Variants in MSI2 observed in about 807,000 individuals in gnomAD.
MSI2 encodes the protein musashi RNA binding protein 2.
A neutral mutation model predicts 45.6 loss-of-function variants in MSI2; 17 were observed. That is an observed-to-expected ratio of 0.37 (90% confidence interval 0.26 to 0.56). MSI2 has a LOEUF of 0.56. Among genes scored for constraint, MSI2 ranks in the 20% least tolerant of loss-of-function variants. The pLI is 0.77. For synonymous variants in MSI2, 156 were observed against 158.2 expected, an observed-to-expected ratio of 0.99 and a Z score of 0.11; for missense variants, 293 against 444.2, an observed-to-expected ratio of 0.66 and a Z score of 3.06.
chr17:57,514,829 A>G (rs910353521), intron 6 of MSI2, among the ~76,000 whole-genome samples: 4 of 151,674 alleles, frequency 2.6e-5, no homozygotes, highest in Admixed American at 6.6e-5. Flanking sequence ...AAAATTTCCA[A>G]CCTCTCAGGG....
intron 8 of MSI2, among the ~76,000 whole-genome samples, chr17:57,602,498 A>G (rs1199225254): frequency 6.6e-6 from 1 of 152,090 alleles, no homozygotes; most frequent in Non-Finnish European, 1.5e-5. Context: ...GATTATAGGC[A>G]TGCGCCACCA....
At chr17:57,260,635 CA>C (rs76534887) in intron 4 of MSI2, among the ~76,000 whole-genome samples, 8,245 of 152,260 alleles carry the variant, frequency 0.054, 382 homozygotes, top group East Asian at 0.24. Flanking sequence ...CCTGTAGATG[CA>C]GTAATGTTAA....
intron 7 of MSI2, among the ~76,000 whole-genome samples, chr17:57,538,293 T>G (rs1323564668): frequency 6.6e-6 from 1 of 152,152 alleles, no homozygotes; most frequent in East Asian, 1.9e-4. Flanking sequence ...GACTTAAGGT[T>G]CCTAGAGGGG....
intron 7 of MSI2, among the ~76,000 whole-genome samples, chr17:57,581,574 T>C (rs2088207633): frequency 6.6e-6 from 1 of 152,132 alleles, no homozygotes. Flanking sequence ...CAATTTTCTT[T>C]AGGAAAAAGA....
At chr17:57,592,351 G>T (rs1904918532) in intron 7 of MSI2, among the ~76,000 whole-genome samples, 1 of 151,956 alleles carries the variant, frequency 6.6e-6, no homozygotes, top group Non-Finnish European at 1.5e-5. Flanking sequence ...TTCATTTTGG[G>T]GGTTATTCAG....
intron 5 of MSI2, among the ~76,000 whole-genome samples, chr17:57,303,846 G>A (rs780825323): frequency 5.3e-5 from 8 of 152,320 alleles, no homozygotes; most frequent in Non-Finnish European, 8.8e-5. Flanking sequence ...ACAAGGTGTC[G>A]TGTGGTTAAT....
chr17:57,432,080 G>C lies in MSI2; in HGVS notation c.405+30609G>C, dbSNP rs141660175. On this transcript the variant is annotated intron_variant, in intron 6 of 13. Coordinates refer to ENST00000284073, the MANE Select transcript of MSI2 (RefSeq NM_138962.4). ...ACTATTAATCACGCCGAGTTGTGTC[G>C]CACTTCATAACCCTTCCATTAAATA... Among the ~76,000 whole-genome samples, 842 of 152,096 alleles carry C rather than the reference G, an allele frequency of 5.5e-3. 5 individuals are homozygous for C. Among genetic ancestry groups the C allele is most frequent in the African/African-American group, 0.019 (796 of 41,488 alleles).
Position 57,502,636 on chromosome 17 carries a change from T to TATAG in MSI2, c.406-27039_406-27038insTAGA. On this transcript the variant is annotated intron_variant, in intron 6 of 13. Coordinates refer to ENST00000284073, the MANE Select transcript of MSI2 (RefSeq NM_138962.4). ...ATATATATATATATATATATATATA[T>TATAG]AGTCATCATTCTGTCATGCAGGAAG... is the stretch of plus-strand genomic sequence containing the variant. Among the ~76,000 whole-genome samples the TATAG allele has an allele frequency of 3.7e-3, 360 of 96,452 alleles. 11 individuals carry two copies. Among genetic ancestry groups the TATAG allele is most frequent in the Middle Eastern group, 6.0e-3 (1 of 166 alleles). The allele number at this position is 96,452 out of a possible 152,430, so 63.3% of individuals were successfully genotyped here.
intron 7 of MSI2, among the ~76,000 whole-genome samples, chr17:57,570,176 A>C (rs918862751): frequency 2.6e-5 from 4 of 152,214 alleles, no homozygotes; most frequent in Non-Finnish European, 5.9e-5. Flanking sequence ...ATACGCTGTG[A>C]ATCATATTAG....
At chr17:57,631,813 CAT>C in intron 10 of MSI2, 1 of 1,613,604 alleles carries the variant, frequency 6.2e-7, no homozygotes. Context: ...TTTCACAAGA[CAT>C]AATTTTTATC....
At chr17:57,490,848 A>G (rs1008283630) in intron 6 of MSI2, among the ~76,000 whole-genome samples, 5 of 152,194 alleles carry the variant, frequency 3.3e-5, no homozygotes, top group African/African-American at 1.2e-4. Flanking sequence ...TTCTAGGGGA[A>G]ATTTTGCATT....
At chr17:57,436,189 G>T (rs1053932473) in intron 6 of MSI2, among the ~76,000 whole-genome samples, 2 of 152,202 alleles carry the variant, frequency 1.3e-5, no homozygotes, top group African/African-American at 4.8e-5. Context: ...TACAGGCGTG[G>T]CCGTGGGCAA....
At chr17:57,284,332 G>A (rs1023159531) in intron 5 of MSI2, among the ~76,000 whole-genome samples, 1 of 149,356 alleles carries the variant, frequency 6.7e-6, no homozygotes, top group Non-Finnish European at 1.5e-5. Flanking sequence ...CATCCACCCC[G>A]CACCCGCCAC....
intron 7 of MSI2, among the ~76,000 whole-genome samples, chr17:57,561,376 T>C (rs913004885): frequency 6.6e-6 from 1 of 152,114 alleles, no homozygotes; most frequent in African/African-American, 2.4e-5. Flanking sequence ...GCCCCAGATA[T>C]CACAAAAATC....
intron 5 of MSI2, among the ~76,000 whole-genome samples, chr17:57,377,950 C>T (rs1300731762): frequency 3.9e-5 from 6 of 152,036 alleles, no homozygotes; most frequent in Non-Finnish European, 7.4e-5. Flanking sequence ...TGGTGTGCAC[C>T]TGTAGTCCCA....
At chr17:57,544,352 G>A (rs751574659) in intron 7 of MSI2, among the ~76,000 whole-genome samples, 20 of 152,206 alleles carry the variant, frequency 1.3e-4, no homozygotes, top group African/African-American at 4.1e-4. Flanking sequence ...CATTAGCAGC[G>A]TTGTTCACTT....
intron 10 of MSI2, among the ~76,000 whole-genome samples, chr17:57,636,158 C>T (rs1163883900): frequency 4.6e-5 from 7 of 152,146 alleles, no homozygotes; most frequent in African/African-American, 1.4e-4. Flanking sequence ...GCTTGTGGTC[C>T]GTCTTAGCCT....
the MSI2 span, among the ~76,000 whole-genome samples, chr17:57,700,530 T>C: frequency 6.6e-6 from 1 of 152,198 alleles, no homozygotes; most frequent in East Asian, 1.9e-4. Flanking sequence ...TGTGTGTCAG[T>C]GGGCATGTGG....
At chr17:57,260,268 G>A (rs565800349) in intron 4 of MSI2, among the ~76,000 whole-genome samples, 1 of 152,324 alleles carries the variant, frequency 6.6e-6, no homozygotes, top group African/African-American at 2.4e-5. Context: ...ATCTCAGCGT[G>A]TAAACTTTGC....
Sources: allele counts gnomAD v4.1 joint callset (sites outside exome capture counted in the v4.1 genomes callset), GRCh38; gene constraint gnomAD v4.1.1; transcripts MANE v1.5; gene names NCBI Gene and HGNC (gene_info 2026-07-23, HGNC 2026-07-21).